GPAM: variants seen among roughly 807,000 people sequenced by gnomAD.
The protein encoded by GPAM is glycerol-3-phosphate acyltransferase 1, mitochondrial.
A neutral mutation model predicts 105.0 loss-of-function variants in GPAM; 56 were observed. The observed-to-expected ratio is 0.53, with a 90% CI of 0.43 to 0.67. GPAM has a LOEUF of 0.67. GPAM is among the 30% of genes least tolerant of loss of function. The pLI is 0.00. For missense variants in GPAM, 855 were observed against 989.8 expected (o/e 0.86, Z 1.83); for synonymous variants, 368 against 354.4 (o/e 1.04, Z -0.43).
chr10:112,211,755 T>A (rs1847913679), intron 1 of GPAM, among the ~76,000 whole-genome samples: 1 of 152,162 alleles, frequency 6.6e-6, no homozygotes, highest in Admixed American at 6.5e-5. Context: ...AGTAACCTCA[T>A]GAGAAAGTAT....
In GPAM at chr10:112,151,732, A is replaced by C; in HGVS notation, c.*1818T>G. 2.0e-6 allele frequency: 2 copies of C among 985,342 alleles called. No individual in the cohort carries two copies. The highest frequency in any genetic ancestry group is 9.4e-5 in the South Asian group (2 of 21,288). 61.0% of individuals were successfully genotyped at this position (985,342 alleles called of 1,614,324 possible). A position where few individuals can be genotyped will look rare whatever the true frequency, so the allele number is the denominator to read the frequency against. Reference sequence around the variant, plus strand: ...GAGCTTGAGTAATCCTTAATTTACAATTTAAAGGATGAAAAAAAGAGACTA... The same window carrying C: ...GAGCTTGAGTAATCCTTAATTTACACTTTAAAGGATGAAAAAAAGAGACTA... On this transcript the variant is annotated 3_prime_UTR_variant, in exon 22 of 22. Transcript: ENST00000348367.
chr10:112,161,663 A>T lies in GPAM; in HGVS notation c.1494+4T>A, dbSNP rs773022372. The T allele has an allele frequency of 5.0e-6, 8 of 1,610,032 alleles. No homozygotes were observed. The African/African-American group carries it at 5.3e-5, about 11-fold the overall frequency. ...CTTAACTGCAGGTGACATTGCAGAC[A>T]TACCTGCCTGTGTCTGTAGAGGAGC... is the stretch of plus-strand genomic sequence containing the variant. On this transcript the variant is annotated splice_donor_region_variant and intron_variant, in intron 15 of 21. Coordinates refer to ENST00000348367, the MANE Select transcript of GPAM (RefSeq NM_001244949.2).
chr10:112,156,012 T>C lies in GPAM; in HGVS notation c.2163A>G (p.Leu721=). 1 of 1,613,312 alleles carries C rather than the reference T, an allele frequency of 6.2e-7. No individual in the cohort carries two copies. ...SKEHQQFITF[L]QRLLGPLLEA... ...CCAGCAAAGGCCCAAGGAGTCTCTG[T>C]AAGAAGGTGATAAACTGCTGGTGCT... The change falls in exon 20 of 22, where the codon TTA becomes TTG. Residue 721 remains leucine (L), a synonymous_variant. Coordinates refer to ENST00000348367, the MANE Select transcript of GPAM (RefSeq NM_001244949.2).
At chr10:112,190,522 A>G (rs924907025) in intron 1 of GPAM, among the ~76,000 whole-genome samples, 7 of 151,916 alleles carry the variant, frequency 4.6e-5, no homozygotes, top group Non-Finnish European at 7.4e-5. Context: ...AAAGAAAAGA[A>G]AGAAAGGGTC....
intron 1 of GPAM, among the ~76,000 whole-genome samples, chr10:112,193,261 T>C (rs1256962983): frequency 6.6e-6 from 1 of 152,088 alleles, no homozygotes; most frequent in Non-Finnish European, 1.5e-5. Flanking sequence ...AAGAGCCATC[T>C]CCTCATAGGC....
chr10:112,186,337 A>AAT (rs1293347700), upstream of GPAM, among the ~76,000 whole-genome samples: 4 of 151,702 alleles, frequency 2.6e-5, no homozygotes, highest in African/African-American at 9.7e-5. Context: ...AATAAAATAA[A>AAT]AACATATTTT....
chr10:112,188,697 G>T (rs1444303179), upstream of GPAM, among the ~76,000 whole-genome samples: 7 of 152,156 alleles, frequency 4.6e-5, no homozygotes, highest in Admixed American at 3.9e-4. Flanking sequence ...CCATTTTCCA[G>T]ATGTTCGAGG....
chr10:112,227,263 C>G, the GPAM span, among the ~76,000 whole-genome samples: 1 of 152,190 alleles, frequency 6.6e-6, no homozygotes, highest in Non-Finnish European at 1.5e-5. Flanking sequence ...TGACTTATGA[C>G]AGTTAATGTG....
At chr10:112,204,293 T>C (rs1252238344) in intron 1 of GPAM, among the ~76,000 whole-genome samples, 1 of 151,212 alleles carries the variant, frequency 6.6e-6, no homozygotes, top group African/African-American at 2.4e-5. Context: ...GACAACCCTT[T>C]CAAGGATGGC....
At chr10:112,156,597 CACTGGTT>C (rs1485128136) in intron 19 of GPAM, 1 of 175,066 alleles carries the variant, frequency 5.7e-6, no homozygotes, top group Non-Finnish European at 1.2e-5. Context: ...ACCCAAAACA[CACTGGTT>C]CGGTCAAGCC....
At chr10:112,191,402 A>C (rs962452073) in intron 1 of GPAM, among the ~76,000 whole-genome samples, 1 of 152,228 alleles carries the variant, frequency 6.6e-6, no homozygotes, top group Admixed American at 6.5e-5. Context: ...GCTTCTAGCC[A>C]CTAGCTGTGC....
chr10:112,195,102 C>T (rs1239646983), intron 1 of GPAM, among the ~76,000 whole-genome samples: 1 of 152,032 alleles, frequency 6.6e-6, no homozygotes, highest in African/African-American at 2.4e-5. Flanking sequence ...ACACATCAGC[C>T]AGACCGAGCA....
chr10:112,223,538 C>G, the GPAM span, among the ~76,000 whole-genome samples: 1,310 of 152,314 alleles, frequency 8.6e-3, 18 homozygotes, highest in African/African-American at 0.029. Context: ...TACAGTGATA[C>G]CTGGCCTTGT....
intron 1 of GPAM, among the ~76,000 whole-genome samples, chr10:112,199,001 C>A (rs1287191935): frequency 6.6e-6 from 1 of 151,844 alleles, no homozygotes; most frequent in Non-Finnish European, 1.5e-5. Flanking sequence ...CGGCTCACTG[C>A]ATCCTCCGCC....
At chr10:112,161,807 C>A in intron 14 of GPAM, 70 bp from the exon 15 acceptor site, 1 of 1,145,796 alleles carries the variant, frequency 8.7e-7, no homozygotes, top group South Asian at 1.3e-5. Context: ...TTTGAAATAC[C>A]TAAATTTTAA....
intron 14 of GPAM, among the ~76,000 whole-genome samples, chr10:112,162,117 A>G (rs530790049): frequency 1.4e-3 from 219 of 152,344 alleles, no homozygotes; most frequent in African/African-American, 5.1e-3. Flanking sequence ...ACAGTCTATT[A>G]TAACTACAAC....
chr10:112,161,889 T>C (rs978900487), intron 14 of GPAM, 152 bp from the exon 15 acceptor site: 2 of 705,132 alleles, frequency 2.8e-6, no homozygotes, highest in African/African-American at 1.7e-5. Context: ...AAGGAAGTTA[T>C]AATACTACAG....
At position 112,161,722 on chromosome 10, in the gene GPAM, C is replaced by T. The variant is rs1847127929; in HGVS notation, c.1439G>A (p.Cys480Tyr). Residue 480 changes from cysteine (C) to tyrosine (Y), a missense_variant, in exon 15 of 22, where the codon TGT becomes TAT. Cys to Tyr is a radical substitution (Grantham distance 194, BLOSUM62 -2). Coordinates refer to ENST00000348367, the MANE Select transcript of GPAM (RefSeq NM_001244949.2). Reference sequence around the variant, plus strand: ...CACAATGTGTGTGGACATAATGGCACAGGACTTGCTAGCAGCTGGAAGGCA... The same window carrying T: ...CACAATGTGTGTGGACATAATGGCATAGGACTTGCTAGCAGCTGGAAGGCA... ...EHILFTASKS[C>Y]AIMSTHIVAC... 1 of 1,613,960 alleles carries T rather than the reference C, an allele frequency of 6.2e-7. No homozygotes were observed. Among genetic ancestry groups the T allele is most frequent in the Non-Finnish European group, 8.5e-7 (1 of 1,179,938 alleles).
chr10:112,153,810 C>T, intron 21 of GPAM, 144 bp from the exon 22 acceptor site: 1 of 798,654 alleles, frequency 1.3e-6, no homozygotes, highest in Non-Finnish European at 2.0e-6. Context: ...TAAATGTATG[C>T]CTGGGTGTGT....
Sources: gnomAD v4.1 joint callset for allele counts (sites outside exome capture counted in the v4.1 genomes callset) on GRCh38, gnomAD v4.1.1 for gene constraint, MANE v1.5 for transcripts, NCBI Gene and HGNC (gene_info 2026-07-23, HGNC 2026-07-21) for gene names.